Variants in CD69 observed in about 807,000 individuals in gnomAD.
CD69 encodes early activation antigen CD69.
A neutral mutation model predicts 21.4 loss-of-function variants in CD69; 10 were observed. That is an observed-to-expected ratio of 0.47 (90% CI 0.29 to 0.79). The LOEUF is 0.79. CD69 is among the 30% of genes least tolerant of loss of function. CD69 has a pLI of 0.09. For synonymous variants in CD69, 63 were observed against 78.2 expected (o/e 0.81, Z 1.03); for missense variants, 204 against 236.9 (o/e 0.86, Z 0.91).
At chr12:9,755,691 A>C (rs1203870917) in intron 2 of CD69, among the ~76,000 whole-genome samples, 1 of 152,230 alleles carries the variant, frequency 6.6e-6, no homozygotes, top group Non-Finnish European at 1.5e-5. Context: ...ACTAACTTTT[A>C]GGGAACCAAT....
At position 9,753,536 on chromosome 12, in the gene CD69, C is replaced by T; in HGVS notation, c.545G>A (p.Ser182Asn). 1.3e-6 allele frequency: 2 copies of T among 1,591,738 alleles called. No individual in the cohort carries two copies. The highest frequency in any genetic ancestry group is 1.7e-6 in the Non-Finnish European group (2 of 1,161,200). ...KCVFLKNTEV[S>N]SMECEKNLYW... Reference sequence around the variant, plus strand: ...TAAATTCTTCTCACATTCCATGCTGCTGACCTCTGTGTTTTTCAGAAAAAC... The same window carrying T: ...TAAATTCTTCTCACATTCCATGCTGTTGACCTCTGTGTTTTTCAGAAAAAC... The change falls in exon 5 of 5, where the codon AGC becomes AAC. Residue 182 changes from serine to asparagine, a missense_variant. Ser to Asn is a conservative substitution (Grantham distance 46). Transcript: ENST00000228434.
intron 2 of CD69, 132 bp downstream of exon 2, chr12:9,756,165 C>A: frequency 1.6e-6 from 1 of 622,490 alleles, no homozygotes; most frequent in African/African-American, 1.9e-5. Flanking sequence ...GGAAATTGGC[C>A]ATATATGGTA....
chr12:9,754,584 T>C lies in CD69; in HGVS notation c.491+3A>G, dbSNP rs1293809012. The C allele has an allele frequency of 1.0e-5, 16 of 1,560,114 alleles. No homozygotes were observed. The highest frequency in any genetic ancestry group is 1.4e-5 in the Non-Finnish European group (16 of 1,130,954). On this transcript the variant is annotated splice_donor_region_variant and intron_variant, in intron 4 of 4. Transcript: ENST00000228434. ...GAATATAAAGAGACTTCTGGAGACTTACCAGTTGTTAAATTCTTTGCCATT... is the reference window on the plus strand; with the variant it reads ...GAATATAAAGAGACTTCTGGAGACTCACCAGTTGTTAAATTCTTTGCCATT...
At position 9,754,696 on chromosome 12, in the gene CD69, A is replaced by G. The variant is rs1232465500; in HGVS notation, c.388-6T>C. 1 of 1,567,654 alleles carries G rather than the reference A, an allele frequency of 6.4e-7. No homozygotes were observed. Among genetic ancestry groups the G allele is most frequent in the South Asian group, 1.1e-5 (1 of 90,162 alleles). ...GCGTATCGTTTTAGAAAGTTCTTAAAGAAAGCACAAAGGAGTTTGTTACAT... is the reference window on the plus strand; with the variant it reads ...GCGTATCGTTTTAGAAAGTTCTTAAGGAAAGCACAAAGGAGTTTGTTACAT... On this transcript the variant is annotated splice_region_variant and splice_polypyrimidine_tract_variant and intron_variant, in intron 3 of 4. Transcript: ENST00000228434.
At chr12:9,760,534 A>C (rs1321999864) in intron 1 of CD69, among the ~76,000 whole-genome samples, 1 of 152,198 alleles carries the variant, frequency 6.6e-6, no homozygotes, top group Non-Finnish European at 1.5e-5. Context: ...ATAGATAAAA[A>C]GGGGTTTACC....
Position 9,756,385 on chromosome 12 carries a change from A to G in CD69, c.99T>C (p.His33=), listed in dbSNP as rs200220398. The G allele has an allele frequency of 3.7e-6, 6 of 1,613,882 alleles. No individual in the cohort carries two copies. The East Asian group carries it at 1.3e-4, about 36-fold the overall frequency. Residue 33 remains histidine, a synonymous_variant, in exon 2 of 5, where the codon CAT becomes CAC. Transcript: ENST00000228434. ...DATSPHFSTR[H]EGSFQVPVLC... ...GGACAGGAACTTGGAAGGACCCTTC[A>G]TGACGTGTTGAGAAATGGGGACTGG...
chr12:9,754,986 A>G (rs745631644), intron 3 of CD69, 76 bp downstream of exon 3: 1 of 1,222,968 alleles, frequency 8.2e-7, no homozygotes, highest in Non-Finnish European at 1.2e-6. Context: ...TGTTTTCTCC[A>G]CTTAGAAACG....
chr12:9,756,495 G>A, intron 1 of CD69, 76 bp from the exon 2 acceptor site: 1 of 1,186,246 alleles, frequency 8.4e-7, no homozygotes, highest in African/African-American at 1.6e-5. Flanking sequence ...TTCTTTTGAG[G>A]CATTTAAACT....
chr12:9,756,242 G>A (rs1454932452), intron 2 of CD69, 55 bp downstream of exon 2: 28 of 1,516,552 alleles, frequency 1.8e-5, no homozygotes, highest in Non-Finnish European at 2.4e-5. Flanking sequence ...TTTCAGCTGG[G>A]CATGAATGCT....
chr12:9,754,633 G>A lies in CD69; in HGVS notation c.445C>T (p.Pro149Ser). The A allele has an allele frequency of 2.5e-6, 4 of 1,613,028 alleles. No individual in the cohort carries two copies. Among genetic ancestry groups the A allele is most frequent in the Non-Finnish European group, 2.5e-6 (3 of 1,179,032 alleles). Residue 149 changes from proline (P) to serine (S), a missense_variant, in exon 4 of 5, where the codon CCT becomes TCT. Physicochemically the swap from Pro to Ser is moderately conservative, Grantham distance 74. Transcript: ENST00000228434. ...TTTGACCACTTCCATGGGTGACCAG[G>A]TTCCTTTTTCAGTCCAACCCAGTGT... ...EEHWVGLKKE[P>S]GHPWKWSNGK...
intron 1 of CD69, 101 bp downstream of exon 1, chr12:9,760,656 T>C: frequency 2.5e-6 from 2 of 815,350 alleles, no homozygotes; most frequent in Admixed American, 2.0e-5. Context: ...TCTAAGATTA[T>C]ATATCATATA....
At chr12:9,759,122 G>T (rs1866709548) in intron 1 of CD69, among the ~76,000 whole-genome samples, 1 of 151,992 alleles carries the variant, frequency 6.6e-6, no homozygotes, top group Admixed American at 6.6e-5. Context: ...GTACAGACGG[G>T]GTTTCATCGT....
intron 1 of CD69, among the ~76,000 whole-genome samples, chr12:9,760,134 C>A (rs3176789): frequency 6.6e-6 from 1 of 151,518 alleles, no homozygotes; most frequent in Non-Finnish European, 1.5e-5. Context: ...TTTTTTTTAG[C>A]AAATTACAAA....
intron 1 of CD69, among the ~76,000 whole-genome samples, chr12:9,758,279 G>C (rs1866698715): frequency 6.6e-6 from 1 of 152,074 alleles, no homozygotes; most frequent in Non-Finnish European, 1.5e-5. Flanking sequence ...GCCCCACAAG[G>C]AGTATACAGG....
At chr12:9,759,398 C>G (rs1866712016) in intron 1 of CD69, among the ~76,000 whole-genome samples, 1 of 152,030 alleles carries the variant, frequency 6.6e-6, no homozygotes, top group Non-Finnish European at 1.5e-5. Flanking sequence ...ATCAGACATT[C>G]AAAAGAAAGT....
In CD69 at chr12:9,756,429, A is replaced by T; in HGVS notation, c.65-10T>A. 1 of 1,611,748 alleles carries T rather than the reference A, an allele frequency of 6.2e-7. No homozygotes were observed. Among genetic ancestry groups the T allele is most frequent in the Non-Finnish European group, 8.5e-7 (1 of 1,178,556 alleles). On this transcript the variant is annotated splice_polypyrimidine_tract_variant and intron_variant, in intron 1 of 4. Transcript: ENST00000228434. ...GGACTGGTGGCATCATCTGGAAGGG[A>T]GAAAGTTGATGATGAGTTCAGGCAG...
chr12:9,753,965 G>C (rs930997092), intron 4 of CD69, among the ~76,000 whole-genome samples: 1 of 152,158 alleles, frequency 6.6e-6, no homozygotes, highest in Non-Finnish European at 1.5e-5. Context: ...GCCCATCTGT[G>C]GATATGGAGC....
intron 2 of CD69, chr12:9,755,869 T>C (rs1866674943): frequency 6.5e-6 from 1 of 153,922 alleles, no homozygotes; most frequent in African/African-American, 2.4e-5. Context: ...AGAACTACCA[T>C]TCTGTGTCCT....
At chr12:9,756,497 A>C (rs1866680672) in intron 1 of CD69, 78 bp from the exon 2 acceptor site, 16 of 1,172,976 alleles carry the variant, frequency 1.4e-5, no homozygotes, top group Non-Finnish European at 1.9e-5. Context: ...CTTTTGAGGC[A>C]TTTAAACTTA....
Sources: gnomAD v4.1 joint callset for allele counts (sites outside exome capture counted in the v4.1 genomes callset) on GRCh38, gnomAD v4.1.1 for gene constraint, MANE v1.5 for transcripts, NCBI Gene and HGNC (gene_info 2026-07-23, HGNC 2026-07-21) for gene names.